P2RY8: variants seen among roughly 807,000 people sequenced by gnomAD.
The protein encoded by P2RY8 is P2Y receptor family member 8, also known as S-geranylgeranyl-glutathione receptor P2RY8.
Under a neutral mutation model 10.0 loss-of-function variants are expected in P2RY8, and 6 were observed. That is an observed-to-expected ratio of 0.60 (90% CI 0.33 to 1.19). P2RY8 has a LOEUF of 1.19. P2RY8 is among the 50% of genes most tolerant of loss of function. P2RY8 has a pLI of 0.04. For missense variants in P2RY8, 456 were observed against 542.0 expected (o/e 0.84, Z 1.58); for synonymous variants, 276 against 252.5 (o/e 1.09, Z -0.88).
intron 1 of P2RY8, among the ~76,000 whole-genome samples, chrX:1,496,051 T>G (rs762898109): frequency 6.6e-6 from 1 of 152,300 alleles, no homozygotes; most frequent in African/African-American, 2.4e-5. Flanking sequence ...GGAGAAACAA[T>G]GTCTGTTGTT....
At chrX:1,485,751 T>C (rs1293921133) in intron 1 of P2RY8, among the ~76,000 whole-genome samples, 3 of 148,714 alleles carry the variant, frequency 2.0e-5, no homozygotes, top group Non-Finnish European at 4.5e-5. Flanking sequence ...ATATATTGTA[T>C]AGTATCATTT....
At position 1,465,422 on chromosome X, in the gene P2RY8, A is replaced by G; in HGVS notation, c.*57T>C. On this transcript the variant is annotated 3_prime_UTR_variant, in exon 2 of 2. Transcript: ENST00000381297. The stretch of plus-strand genomic sequence containing the variant: ...GAACCTCTGGCACCGTGGCCTCTCC[A>G]TGCGCCCCTGGATCTCCAAGCTGCG... 6.5e-7 allele frequency: 1 copy of G among 1,540,332 alleles called. No individual in the cohort carries two copies. The highest frequency in any genetic ancestry group is 8.7e-7 in the Non-Finnish European group (1 of 1,149,634).
intron 1 of P2RY8, among the ~76,000 whole-genome samples, chrX:1,502,281 C>T (rs1264457540): frequency 1.3e-5 from 2 of 152,116 alleles, no homozygotes; most frequent in South Asian, 4.1e-4. Context: ...TGAAGATACA[C>T]GAGCAAGAAC....
At chrX:1,529,003 TC>T (rs1261148447) in intron 1 of P2RY8, among the ~76,000 whole-genome samples, 7 of 152,136 alleles carry the variant, frequency 4.6e-5, no homozygotes, top group Non-Finnish European at 1.0e-4. Flanking sequence ...TAAATGACGC[TC>T]CCCATTGATC....
intron 1 of P2RY8, among the ~76,000 whole-genome samples, chrX:1,503,324 G>T (rs1407348406): frequency 6.6e-6 from 1 of 152,180 alleles, no homozygotes; most frequent in Non-Finnish European, 1.5e-5. Flanking sequence ...GAACTCCCCA[G>T]TTTGTGGCAT....
rs868445025 is a variant in P2RY8, at chrX:1,531,064, G to A, written c.-25+5857C>T. Among the ~76,000 whole-genome samples, 476 of 87,084 alleles carry A rather than the reference G, an allele frequency of 5.5e-3. 1 individual carries two copies. The highest frequency in any genetic ancestry group is 0.016 in the African/African-American group (421 of 25,568). 57.1% of individuals were successfully genotyped at this position (87,084 alleles called of 152,430 possible). A position where few individuals can be genotyped will look rare whatever the true frequency, so the allele number is the denominator to read the frequency against. On this transcript the variant is annotated intron_variant, in intron 1 of 1. Transcript: ENST00000381297. ...ATCGATTCTATCTATCTGTCTGTCT[G>A]TCTGTCTATCTATCTATCTATCTAT... is the stretch of plus-strand genomic sequence containing the variant.
rs1445881166 is a variant in P2RY8 at position 1,465,940 on chromosome X, C to G, written c.619G>C (p.Val207Leu). The change falls in exon 2 of 2, where the codon GTG becomes CTG. Residue 207 changes from valine to leucine, a missense_variant. Coordinates refer to ENST00000381297, the MANE Select transcript of P2RY8 (RefSeq NM_178129.5). The part of the protein sequence containing the change: ...IFILLFLIPF[V>L]ITVACYTATI... Reference sequence around the variant, plus strand: ...GCCGTGTAACAAGCCACGGTGATCACGAACGGGATGAGGAACAGCAGGATG... The same window carrying G: ...GCCGTGTAACAAGCCACGGTGATCAGGAACGGGATGAGGAACAGCAGGATG... The G allele has an allele frequency of 1.2e-6, 2 of 1,612,364 alleles. No homozygotes were observed. Among genetic ancestry groups the G allele is most frequent in the East Asian group, 2.2e-5 (1 of 44,886 alleles).
intron 1 of P2RY8, among the ~76,000 whole-genome samples, chrX:1,474,217 G>A (rs1446344226): frequency 6.6e-6 from 1 of 151,854 alleles, no homozygotes; most frequent in African/African-American, 2.4e-5. Context: ...TGGGTGGATG[G>A]GAGGGTGAAT....
intron 1 of P2RY8, among the ~76,000 whole-genome samples, chrX:1,489,498 A>G (rs1329567010): frequency 1.3e-5 from 2 of 151,398 alleles, no homozygotes; most frequent in African/African-American, 4.9e-5. Context: ...ATGACACCTA[A>G]GGATTCCTCA....
At chrX:1,532,304 T>G (rs2092480691) in intron 1 of P2RY8, among the ~76,000 whole-genome samples, 1 of 93,102 alleles carries the variant, frequency 1.1e-5, no homozygotes, top group East Asian at 3.7e-4. Context: ...TATATATGTG[T>G]GCCATATATA....
At chrX:1,493,064 G>C (rs2092069243) in intron 1 of P2RY8, among the ~76,000 whole-genome samples, 1 of 151,302 alleles carries the variant, frequency 6.6e-6, no homozygotes, top group African/African-American at 2.4e-5. Context: ...GAAGCGGGTG[G>C]ATCATGAGGT....
At chrX:1,524,960 C>T (rs1325670188) in intron 1 of P2RY8, among the ~76,000 whole-genome samples, 1 of 152,138 alleles carries the variant, frequency 6.6e-6, no homozygotes. Flanking sequence ...CACCTGTCTA[C>T]AGTGAGGGTC....
intron 1 of P2RY8, 130 bp from the exon 2 acceptor site, chrX:1,466,712 C>CTCCG (rs2091684379): frequency 2.9e-6 from 2 of 691,932 alleles, no homozygotes; most frequent in Non-Finnish European, 4.7e-6. Context: ...CTGCTGTCTC[C>CTCCG]TCCCTCCCTC....
intron 1 of P2RY8, among the ~76,000 whole-genome samples, chrX:1,482,159 TG>T (rs1253529609): frequency 8.9e-6 from 1 of 111,732 alleles, no homozygotes; most frequent in Non-Finnish European, 1.8e-5. Context: ...TTTGTGTGTG[TG>T]GTGTGTGTGT....
chrX:1,528,874 C>T (rs1295826473), intron 1 of P2RY8, among the ~76,000 whole-genome samples: 8 of 152,048 alleles, frequency 5.3e-5, no homozygotes, highest in African/African-American at 4.8e-5. Context: ...GGACTTGAGT[C>T]TCTTTGAATG....
intron 1 of P2RY8, among the ~76,000 whole-genome samples, chrX:1,498,299 G>C (rs61001419): frequency 2.0e-5 from 3 of 148,850 alleles, no homozygotes; most frequent in Admixed American, 1.3e-4. Flanking sequence ...CCAGCTACTC[G>C]GGAGGCTGAG....
At chrX:1,524,782 CACT>C (rs1480093434) in intron 1 of P2RY8, among the ~76,000 whole-genome samples, 100 of 93,146 alleles carry the variant, frequency 1.1e-3, no homozygotes, top group African/African-American at 1.2e-3. Context: ...TCCATCCATC[CACT>C]CATCCATTCA....
In P2RY8 at chrX:1,462,725, C is replaced by T. The variant is rs753338184; in HGVS notation, c.*2754G>A. On this transcript the variant is annotated 3_prime_UTR_variant, in exon 2 of 2. Transcript: ENST00000381297. ...GAGCCTCCCAAAGTGCTGAGATTACCGGCATGAGCTGCCACGCCTTGATGG... is the reference window on the plus strand; with the variant it reads ...GAGCCTCCCAAAGTGCTGAGATTACTGGCATGAGCTGCCACGCCTTGATGG... The T allele has an allele frequency of 2.1e-5, 5 of 233,088 alleles. No individual in the cohort carries two copies. In the South Asian group the frequency reaches 5.4e-4, roughly 25 times the overall value. 14.4% of individuals were successfully genotyped at this position (233,088 alleles called of 1,614,324 possible). A position where few individuals can be genotyped will look rare whatever the true frequency, so the allele number is the denominator to read the frequency against.
At chrX:1,480,855 G>T (rs1195003869) in intron 1 of P2RY8, among the ~76,000 whole-genome samples, 1 of 150,670 alleles carries the variant, frequency 6.6e-6, no homozygotes, top group Non-Finnish European at 1.5e-5. Flanking sequence ...TTAAAACAAA[G>T]AACCAGTATG....
Sources: allele counts gnomAD v4.1 joint callset (sites outside exome capture counted in the v4.1 genomes callset), GRCh38; gene constraint gnomAD v4.1.1; transcripts MANE v1.5; gene names NCBI Gene and HGNC (gene_info 2026-07-23, HGNC 2026-07-21).